The following IMMP1L variants were observed in gnomAD, a reference collection of about 807,000 sequenced individuals.
IMMP1L encodes the protein inner mitochondrial membrane peptidase subunit 1.
IMMP1L carries 24 observed loss-of-function variants against 21.8 expected under a neutral mutation model. The ratio of observed to expected loss-of-function variants is 1.10; its 90% confidence interval spans 0.80 to 1.55. The LOEUF is 1.55. IMMP1L is among the 40% of genes most tolerant of loss of function. The pLI is 0.00. For missense variants in IMMP1L, 195 were observed against 200.7 expected, an observed-to-expected ratio of 0.97 and a Z score of 0.17; for synonymous variants, 46 against 62.8, an observed-to-expected ratio of 0.73 and a Z score of 1.26.
intron 4 of IMMP1L, chr11:31,452,148 C>T (rs1218811328): frequency 1.2e-6 from 1 of 818,344 alleles, no homozygotes; most frequent in Non-Finnish European, 1.5e-6. Flanking sequence ...AGTGGAGTAA[C>T]TATACACAAC....
At chr11:31,452,680 C>T in intron 4 of IMMP1L, 1 of 997,276 alleles carries the variant, frequency 1.0e-6, no homozygotes, top group Non-Finnish European at 1.2e-6. Context: ...ATGCTCAGTT[C>T]ATACATAACC....
intron 1 of IMMP1L, among the ~76,000 whole-genome samples, chr11:31,505,995 A>G (rs900465752): frequency 6.6e-6 from 1 of 152,126 alleles, no homozygotes; most frequent in Non-Finnish European, 1.5e-5. Flanking sequence ...GTCAAAAGTT[A>G]TATGCGTGTT....
rs764570303 is a variant in IMMP1L, at chr11:31,463,224, T to C, written c.53A>G (p.Gln18Arg). The change falls in exon 2 of 6, where the codon CAA (glutamine) becomes CGA (arginine). Residue 18 changes from glutamine (Q) to arginine (R), a missense_variant. Coordinates refer to ENST00000532287, the MANE Select transcript of IMMP1L (RefSeq NM_001304274.2). ...AGCACAATGAGCTATACAGCCATAT[T>C]GAATAGTATAGCCAACAAGTCGAAA... ...KTFRLVGYTI[Q>R]YGCIAHCAFE... 2.5e-6 allele frequency: 4 copies of C among 1,612,392 alleles called. No individual in the cohort carries two copies. In the Admixed American group the frequency reaches 5.0e-5, roughly 20 times the overall value.
At chr11:31,496,896 A>G (rs1404768166) in intron 1 of IMMP1L, among the ~76,000 whole-genome samples, 1 of 148,024 alleles carries the variant, frequency 6.8e-6, no homozygotes, top group Non-Finnish European at 1.5e-5. Context: ...ATATGATCTT[A>G]TATCATATAT....
In IMMP1L at chr11:31,509,612, GC is replaced by G. The variant is rs1255244937; in HGVS notation, c.-124del. 1.5e-6 allele frequency: 1 copy of G among 673,334 alleles called. No homozygotes were observed. Among genetic ancestry groups the G allele is most frequent in the Admixed American group, 2.8e-5 (1 of 35,094 alleles). 41.7% of individuals were successfully genotyped at this position (673,334 alleles called of 1,614,324 possible). On this transcript the variant is annotated 5_prime_UTR_variant, in exon 1 of 6. Transcript: ENST00000532287. ...CCGAAGTCGACCGTCCTTTCGTAGG[GC>G]GCACTTTTCAGCAATACGCCTTCCG... is the stretch of plus-strand genomic sequence containing the variant.
intron 1 of IMMP1L, among the ~76,000 whole-genome samples, chr11:31,467,372 TG>T (rs1954392677): frequency 6.6e-6 from 1 of 152,172 alleles, no homozygotes; most frequent in Non-Finnish European, 1.5e-5. Flanking sequence ...CCCACATTTT[TG>T]GTTTCTAAGT....
At chr11:31,493,916 G>T (rs748348061) in intron 1 of IMMP1L, among the ~76,000 whole-genome samples, 4 of 152,218 alleles carry the variant, frequency 2.6e-5, no homozygotes, top group African/African-American at 7.2e-5. Context: ...GGCACCCATG[G>T]CCTTGGGCAA....
At chr11:31,457,860 T>C (rs1434441827) in intron 3 of IMMP1L, among the ~76,000 whole-genome samples, 2 of 152,184 alleles carry the variant, frequency 1.3e-5, no homozygotes, top group Non-Finnish European at 2.9e-5. Context: ...AGTTGAAAGG[T>C]AGCAAATCGT....
rs182761563 is a variant in IMMP1L, at chr11:31,453,393, A to C, written c.321+2867T>G. ...TTGCCTGGAATTCAAAACATATTTT[A>C]ATATTGTTCATTTTATTAAGCAGCT... is the stretch of plus-strand genomic sequence containing the variant. On this transcript the variant is annotated intron_variant, in intron 4 of 5. Coordinates refer to ENST00000532287, the MANE Select transcript of IMMP1L (RefSeq NM_001304274.2). Among the ~76,000 whole-genome samples the C allele has an allele frequency of 1.1e-3, 166 of 152,328 alleles. 1 individual carries two copies. Among genetic ancestry groups the C allele is most frequent in the African/African-American group, 3.8e-3 (156 of 41,568 alleles).
chr11:31,443,053 G>GT (rs1406223751), intron 4 of IMMP1L, among the ~76,000 whole-genome samples: 1 of 152,018 alleles, frequency 6.6e-6, no homozygotes, highest in South Asian at 2.1e-4. Flanking sequence ...TTATGTAATT[G>GT]TTTTTTATCT....
chr11:31,475,310 T>C (rs1954690517), intron 1 of IMMP1L, among the ~76,000 whole-genome samples: 1 of 152,164 alleles, frequency 6.6e-6, no homozygotes, highest in Admixed American at 6.5e-5. Context: ...ATAATACAAC[T>C]ATTAAATGAT....
At chr11:31,497,235 T>TA (rs1049195457) in intron 1 of IMMP1L, among the ~76,000 whole-genome samples, 14 of 151,656 alleles carry the variant, frequency 9.2e-5, no homozygotes, top group East Asian at 5.8e-4. Flanking sequence ...TATTCAGCCA[T>TA]AAAAAAATGA....
Position 31,452,640 on chromosome 11 carries a change from C to T in IMMP1L, c.321+3620G>A, listed in dbSNP as rs1454165968. 3.0e-6 allele frequency: 3 copies of T among 985,752 alleles called. No individual in the cohort carries two copies. The East Asian group carries it at 3.4e-4, about 112-fold the overall frequency. The allele number at this position is 985,752 out of a possible 1,614,324, so 61.1% of individuals were successfully genotyped here. ...GACAATTTGTTTCTTTTGAGAGTCA[C>T]AAATTAATCTCATATCTTTACAGTA... On this transcript the variant is annotated intron_variant, in intron 4 of 5. Transcript: ENST00000532287.
At chr11:31,440,126 G>A (rs1564967431) in intron 4 of IMMP1L, among the ~76,000 whole-genome samples, 2 of 152,118 alleles carry the variant, frequency 1.3e-5, no homozygotes, top group Non-Finnish European at 2.9e-5. Flanking sequence ...TCTCAACTCA[G>A]CAAAGACCAC....
At chr11:31,454,407 G>A (rs957956932) in intron 4 of IMMP1L, among the ~76,000 whole-genome samples, 22 of 135,286 alleles carry the variant, frequency 1.6e-4, no homozygotes, top group African/African-American at 4.9e-4. Flanking sequence ...AGCTGAGATC[G>A]TGCCACTGCA....
intron 1 of IMMP1L, among the ~76,000 whole-genome samples, chr11:31,507,262 A>G (rs1955806745): frequency 1.3e-5 from 2 of 151,792 alleles, no homozygotes; most frequent in Non-Finnish European, 2.9e-5. Context: ...CCCGGGGAAC[A>G]CACCTAGACT....
intron 1 of IMMP1L, among the ~76,000 whole-genome samples, chr11:31,465,618 T>C (rs1301078918): frequency 1.3e-5 from 2 of 151,876 alleles, no homozygotes; most frequent in South Asian, 2.1e-4. Context: ...TGGGACACAA[T>C]AGAGAACCCA....
chr11:31,462,555 A>T (rs1045566151), intron 2 of IMMP1L, among the ~76,000 whole-genome samples: 4 of 152,164 alleles, frequency 2.6e-5, no homozygotes, highest in African/African-American at 9.7e-5. Flanking sequence ...ATATTAAGAA[A>T]AAGTATTAGT....
chr11:31,447,250 T>C (rs994968579), intron 4 of IMMP1L, among the ~76,000 whole-genome samples: 8 of 152,214 alleles, frequency 5.3e-5, no homozygotes, highest in African/African-American at 1.9e-4. Context: ...TCTCTCCCAG[T>C]CTACCCTTAG....
Sources: allele counts gnomAD v4.1 joint callset (sites outside exome capture counted in the v4.1 genomes callset), GRCh38; gene constraint gnomAD v4.1.1; transcripts MANE v1.5; gene names NCBI Gene and HGNC (gene_info 2026-07-23, HGNC 2026-07-21).